The following MPPED1 variants were observed in gnomAD, a reference collection of about 807,000 sequenced individuals.
The protein encoded by MPPED1 is metallophosphoesterase domain containing 1.
In MPPED1, 16 loss-of-function variants were observed where a neutral mutation model predicts 36.2. The ratio of observed to expected loss-of-function variants is 0.44; its 90% CI spans 0.30 to 0.67. The LOEUF (loss-of-function observed/expected upper bound fraction) is 0.67. Among genes scored for constraint, MPPED1 ranks in the 30% least tolerant of loss-of-function variants. The pLI, the probability that MPPED1 is intolerant of heterozygous loss-of-function variation, is 0.10. For missense variants in MPPED1, 307 were observed against 453.4 expected (o/e 0.68, Z 2.93); for synonymous variants, 199 against 191.3 (o/e 1.04, Z -0.33).
chr22:43,423,217 A>G (rs1047624523), intron 1 of MPPED1, among the ~76,000 whole-genome samples: 1 of 152,226 alleles, frequency 6.6e-6, no homozygotes, highest in Non-Finnish European at 1.5e-5. Flanking sequence ...CAAGTCAGCC[A>G]TGCTGGGGCT....
intron 3 of MPPED1, among the ~76,000 whole-genome samples, chr22:43,459,116 C>T (rs1323047908): frequency 2.6e-5 from 4 of 151,928 alleles, no homozygotes; most frequent in East Asian, 3.9e-4. Flanking sequence ...ACTCTGTCAC[C>T]CAGGCTGGAT....
intron 3 of MPPED1, among the ~76,000 whole-genome samples, chr22:43,451,336 A>G (rs1930561758): frequency 6.6e-6 from 1 of 152,206 alleles, no homozygotes; most frequent in Admixed American, 6.5e-5. Flanking sequence ...TATTAATATC[A>G]TCCAAAGAGG....
intron 4 of MPPED1, among the ~76,000 whole-genome samples, chr22:43,485,465 TACAC>T (rs1244267397): frequency 1.3e-5 from 2 of 151,400 alleles, no homozygotes; most frequent in African/African-American, 2.4e-5. Flanking sequence ...AGTACACACA[TACAC>T]ACTCACACAG....
intron 3 of MPPED1, among the ~76,000 whole-genome samples, chr22:43,450,851 C>G (rs552220874): frequency 6.6e-6 from 1 of 151,400 alleles, no homozygotes; most frequent in Admixed American, 6.6e-5. Flanking sequence ...CTCAGCCTCC[C>G]GAGTAGCTGG....
intron 1 of MPPED1, among the ~76,000 whole-genome samples, chr22:43,413,646 A>G (rs1331583238): frequency 6.6e-6 from 1 of 152,232 alleles, no homozygotes; most frequent in East Asian, 1.9e-4. Context: ...GGAACCACGC[A>G]TGATAAACTG....
intron 4 of MPPED1, 85 bp from the exon 5 acceptor site, chr22:43,498,150 C>T (rs2146918841): frequency 9.1e-7 from 1 of 1,093,350 alleles, no homozygotes; most frequent in Non-Finnish European, 1.3e-6. Flanking sequence ...CTGAGGGCCC[C>T]CTGGCCCGTG....
chr22:43,462,206 C>G (rs1569077590), intron 3 of MPPED1, among the ~76,000 whole-genome samples: 1 of 152,220 alleles, frequency 6.6e-6, no homozygotes, highest in Non-Finnish European at 1.5e-5. Flanking sequence ...TGGCCCTGGA[C>G]AGAGTTGGGA....
intron 4 of MPPED1, among the ~76,000 whole-genome samples, chr22:43,496,490 G>A (rs1490560324): frequency 1.5e-5 from 1 of 66,836 alleles, no homozygotes; most frequent in Admixed American, 1.4e-4. Context: ...GGAGATGGTG[G>A]TGGTGGAGGT....
At chr22:43,452,113 G>A (rs954884533) in intron 3 of MPPED1, among the ~76,000 whole-genome samples, 4 of 151,608 alleles carry the variant, frequency 2.6e-5, no homozygotes, top group Admixed American at 2.6e-4. Context: ...TGCCTCCCAG[G>A]TTCAAGCGAT....
chr22:43,431,306 G>A (rs1801428289), intron 2 of MPPED1, among the ~76,000 whole-genome samples: 1 of 152,052 alleles, frequency 6.6e-6, no homozygotes, highest in African/African-American at 2.4e-5. Context: ...GCCTCCCAAA[G>A]TGCTGGGAAT....
chr22:43,461,650 C>T (rs1385763682), intron 3 of MPPED1, among the ~76,000 whole-genome samples: 1 of 152,076 alleles, frequency 6.6e-6, no homozygotes, highest in Non-Finnish European at 1.5e-5. Flanking sequence ...CTGCTCATAG[C>T]AAGAGAGATA....
At chr22:43,444,478 T>C (rs1166413301) in intron 3 of MPPED1, among the ~76,000 whole-genome samples, 1 of 150,952 alleles carries the variant, frequency 6.6e-6, no homozygotes, top group South Asian at 2.1e-4. Context: ...ATGATTCTCC[T>C]GCCTCAGCCT....
rs369622106 is a variant in MPPED1 at position 43,445,718 on chromosome 22, G to A, written c.406+10503G>A. 2.7e-4 allele frequency among the ~76,000 whole-genome samples: 41 copies of A among 151,666 alleles called. No homozygotes were observed. The East Asian group carries it at 4.9e-3, about 18-fold the overall frequency. On this transcript the variant is annotated intron_variant, in intron 3 of 6. Transcript: ENST00000443721. Reference sequence around the variant, plus strand: ...CCCGAGTAGCTGGGACTACAGGCATGCACCACCATGCCTGGCTAATTTTTG... The same window carrying A: ...CCCGAGTAGCTGGGACTACAGGCATACACCACCATGCCTGGCTAATTTTTG...
intron 3 of MPPED1, among the ~76,000 whole-genome samples, chr22:43,450,830 G>T (rs1217899573): frequency 6.6e-6 from 1 of 152,016 alleles, no homozygotes; most frequent in East Asian, 1.9e-4. Flanking sequence ...GGGTTCAGAC[G>T]ATTCTCCTGC....
At chr22:43,501,397 C>G (rs1388694718) in intron 5 of MPPED1, among the ~76,000 whole-genome samples, 6 of 151,880 alleles carry the variant, frequency 4.0e-5, no homozygotes, top group Non-Finnish European at 8.8e-5. Context: ...TTCTCTCCCT[C>G]TCTCCTTTCC....
At chr22:43,432,271 G>A (rs988303104) in intron 2 of MPPED1, among the ~76,000 whole-genome samples, 17 of 148,706 alleles carry the variant, frequency 1.1e-4, no homozygotes, top group Non-Finnish European at 1.5e-5. Context: ...GAGAAAGGGA[G>A]GAGAGAGAGA....
chr22:43,422,773 T>C (rs2146816645), intron 1 of MPPED1, among the ~76,000 whole-genome samples: 1 of 152,310 alleles, frequency 6.6e-6, no homozygotes, highest in Middle Eastern at 3.4e-3. Context: ...CCACCAGGCA[T>C]TGTACTCAGG....
At position 43,502,449 on chromosome 22, in the gene MPPED1, A is replaced by G. The variant is rs1932755126; in HGVS notation, c.749-195A>G. Among the ~76,000 whole-genome samples, 1 of 152,174 alleles carries G rather than the reference A, an allele frequency of 6.6e-6. No individual in the cohort carries two copies. The highest frequency in any genetic ancestry group is 2.4e-5 in the African/African-American group (1 of 41,458). On this transcript the variant is annotated intron_variant, in intron 5 of 6. Transcript: ENST00000443721. The surrounding 1 kb of genome is among the most constrained non-coding windows in gnomAD (Gnocchi z 5.5). ...TATGGAGGAGGAGGGTGAGGCTGCA[A>G]GGTCCTGAATGGTTTCAGTCCCTGA...
At chr22:43,450,905 T>C (rs1930542420) in intron 3 of MPPED1, among the ~76,000 whole-genome samples, 1 of 152,036 alleles carries the variant, frequency 6.6e-6, no homozygotes, top group South Asian at 2.1e-4. Context: ...TTTATAATTT[T>C]AGTAGAGATG....
Sources: allele counts gnomAD v4.1 joint callset (sites outside exome capture counted in the v4.1 genomes callset), GRCh38; gene constraint gnomAD v4.1.1; non-coding constraint Gnocchi (gnomAD v3.1); transcripts MANE v1.5; gene names NCBI Gene and HGNC (gene_info 2026-07-23, HGNC 2026-07-21).